Variants in CNTNAP2 observed in about 807,000 individuals in gnomAD.
CNTNAP2 encodes contactin associated protein 2, also known as contactin-associated protein-like 2.
In CNTNAP2, 98 loss-of-function variants were observed where a neutral mutation model predicts 155.2. The observed-to-expected ratio is 0.63, with a 90% CI of 0.54 to 0.75. The LOEUF is 0.75. Ranked by LOEUF, CNTNAP2 falls within the 30% of genes least tolerant of loss-of-function variation. The pLI, the probability that CNTNAP2 is intolerant of heterozygous loss-of-function variation, is 0.00. For missense variants in CNTNAP2, 1,727 were observed against 1,688.1 expected (o/e 1.02, Z -0.40); for synonymous variants, 651 against 631.2 (o/e 1.03, Z -0.47).
intron 3 of CNTNAP2, among the ~76,000 whole-genome samples, chr7:146,959,584 G>T (rs1298149367): frequency 5.9e-5 from 9 of 151,686 alleles, no homozygotes; most frequent in African/African-American, 2.2e-4. Context: ...CCCAGGCATG[G>T]TGGCAGACAC....
At chr7:147,285,893 C>G (rs115043833) in intron 8 of CNTNAP2, among the ~76,000 whole-genome samples, 1,778 of 152,092 alleles carry the variant, frequency 0.012, 34 homozygotes, top group African/African-American at 0.041. Flanking sequence ...CAGTTGGATA[C>G]CAAACTAATC....
intron 1 of CNTNAP2, among the ~76,000 whole-genome samples, chr7:146,359,864 T>C (rs1795057569): frequency 6.6e-6 from 1 of 152,164 alleles, no homozygotes; most frequent in Non-Finnish European, 1.5e-5. Context: ...GAAGTTGTGA[T>C]GATATCTCAA....
At chr7:147,040,400 G>C (rs1718012515) in intron 3 of CNTNAP2, among the ~76,000 whole-genome samples, 1 of 151,372 alleles carries the variant, frequency 6.6e-6, no homozygotes, top group African/African-American at 2.4e-5. Flanking sequence ...GCCCACCCCT[G>C]GTGGTAGGGA....
chr7:147,051,121 G>A (rs746536459), intron 4 of CNTNAP2, among the ~76,000 whole-genome samples: 2 of 150,812 alleles, frequency 1.3e-5, no homozygotes, highest in Non-Finnish European at 3.0e-5. Context: ...ACGCTTTGAG[G>A]TTTTGGCTGG....
intron 13 of CNTNAP2, among the ~76,000 whole-genome samples, chr7:147,755,653 A>T (rs1797204812): frequency 6.6e-6 from 1 of 152,204 alleles, no homozygotes; most frequent in African/African-American, 2.4e-5. Context: ...CCCTGTCTCA[A>T]AATAATAATT....
chr7:147,159,291 G>A (rs1354860847), intron 8 of CNTNAP2, among the ~76,000 whole-genome samples: 1 of 152,016 alleles, frequency 6.6e-6, no homozygotes, highest in Non-Finnish European at 1.5e-5. Context: ...TCATATGATC[G>A]AATTTGCATT....
intron 1 of CNTNAP2, among the ~76,000 whole-genome samples, chr7:146,764,671 C>T (rs1361861935): frequency 3.9e-5 from 6 of 152,178 alleles, no homozygotes; most frequent in Admixed American, 6.5e-5. Flanking sequence ...AACTACTTCT[C>T]GAAGTAATTT....
intron 1 of CNTNAP2, among the ~76,000 whole-genome samples, chr7:146,460,983 G>A (rs1006903202): frequency 2.0e-5 from 3 of 152,152 alleles, no homozygotes; most frequent in East Asian, 1.9e-4. Flanking sequence ...AATGTTCTCA[G>A]CACAAAAACA....
chr7:148,249,896 G>A (rs1008648784), intron 20 of CNTNAP2, among the ~76,000 whole-genome samples: 5 of 152,116 alleles, frequency 3.3e-5, no homozygotes, highest in South Asian at 2.1e-4. Context: ...GCCTCCTGAC[G>A]GGTCTCCAAG....
intron 9 of CNTNAP2, among the ~76,000 whole-genome samples, chr7:147,378,683 T>G (rs1233333782): frequency 6.6e-6 from 1 of 152,118 alleles, no homozygotes; most frequent in Non-Finnish European, 1.5e-5. Flanking sequence ...TAAGATTTAA[T>G]GTTTGATAGT....
chr7:146,317,830 A>T (rs562983697), intron 1 of CNTNAP2, among the ~76,000 whole-genome samples: 135 of 152,294 alleles, frequency 8.9e-4, no homozygotes, highest in African/African-American at 3.1e-3. Context: ...TTGTTTTTTG[A>T]GGCATTGTTT....
chr7:147,381,239 C>A (rs948260643), intron 9 of CNTNAP2, among the ~76,000 whole-genome samples: 1 of 152,032 alleles, frequency 6.6e-6, no homozygotes, highest in African/African-American at 2.4e-5. Flanking sequence ...AAAACACTGG[C>A]GTTAAGACAG....
intron 13 of CNTNAP2, among the ~76,000 whole-genome samples, chr7:147,814,322 T>A (rs1204322506): frequency 1.3e-5 from 2 of 152,234 alleles, no homozygotes; most frequent in African/African-American, 4.8e-5. Context: ...ATGATTTTCA[T>A]CATTTATTAA....
intron 13 of CNTNAP2, among the ~76,000 whole-genome samples, chr7:147,855,398 A>T (rs1799018756): frequency 2.6e-5 from 4 of 151,978 alleles, no homozygotes; most frequent in Admixed American, 2.6e-4. Context: ...AGGATTACTG[A>T]GCTCTGAGTG....
At chr7:147,371,854 A>G (rs1447850107) in intron 9 of CNTNAP2, among the ~76,000 whole-genome samples, 2 of 152,128 alleles carry the variant, frequency 1.3e-5, no homozygotes, top group Non-Finnish European at 2.9e-5. Context: ...AGTCATATAT[A>G]TTATTATAGA....
chr7:147,967,003 G>A (rs759297534), intron 14 of CNTNAP2, among the ~76,000 whole-genome samples: 1 of 151,498 alleles, frequency 6.6e-6, no homozygotes, highest in Non-Finnish European at 1.5e-5. Context: ...AAGAATACTG[G>A]GCCATTATAA....
At chr7:148,183,900 T>C (rs1795077945) in intron 18 of CNTNAP2, among the ~76,000 whole-genome samples, 2 of 152,212 alleles carry the variant, frequency 1.3e-5, no homozygotes, top group Non-Finnish European at 2.9e-5. Flanking sequence ...CAGCCAAAAA[T>C]ATTTCATGAG....
chr7:148,113,700 G>T (rs1251764662), intron 15 of CNTNAP2, among the ~76,000 whole-genome samples: 1 of 152,206 alleles, frequency 6.6e-6, no homozygotes, highest in Non-Finnish European at 1.5e-5. Context: ...GTGCCTCCCT[G>T]GTTCCTCTTG....
At chr7:146,381,494 T>C (rs968734179) in intron 1 of CNTNAP2, among the ~76,000 whole-genome samples, 1 of 152,196 alleles carries the variant, frequency 6.6e-6, no homozygotes, top group Non-Finnish European at 1.5e-5. Context: ...CTTCTTCATT[T>C]GTAAAATGGT....
Sources: allele counts gnomAD v4.1 joint callset (sites outside exome capture counted in the v4.1 genomes callset), GRCh38; gene constraint gnomAD v4.1.1; transcripts MANE v1.5; gene names NCBI Gene and HGNC (gene_info 2026-07-23, HGNC 2026-07-21).